Variants in TERB2 observed in about 807,000 individuals in gnomAD.
TERB2 encodes the protein telomere repeats-binding bouquet formation protein 2.
Under a neutral mutation model 29.8 loss-of-function variants are expected in TERB2, and 26 were observed. That is an observed-to-expected ratio of 0.87 (90% confidence interval 0.64 to 1.21). The LOEUF is 1.21. TERB2 is among the 50% of genes most tolerant of loss of function. TERB2 has a pLI of 0.00. For synonymous variants in TERB2, 80 were observed against 90.8 expected (o/e 0.88, Z 0.68); for missense variants, 240 against 268.6 (o/e 0.89, Z 0.74).
chr15:44,959,965 C>G (rs1380784148), intron 3 of TERB2, among the ~76,000 whole-genome samples: 3 of 152,174 alleles, frequency 2.0e-5, no homozygotes, highest in Non-Finnish European at 4.4e-5. Context: ...GTCAAACCTA[C>G]TTATAAGTAA....
intron 4 of TERB2, among the ~76,000 whole-genome samples, chr15:44,962,422 C>T (rs1891820378): frequency 3.3e-5 from 5 of 151,726 alleles, no homozygotes; most frequent in Non-Finnish European, 1.5e-5. Flanking sequence ...ATCTCCTGAC[C>T]TCGTGATCCG....
chr15:44,961,120 AGATATTGAT>A (rs1891795422), intron 3 of TERB2, among the ~76,000 whole-genome samples: 1 of 150,586 alleles, frequency 6.6e-6, no homozygotes, highest in Admixed American at 6.7e-5. Flanking sequence ...ATACAGATAT[AGATATTGAT>A]GTATATTTAA....
At chr15:44,960,424 A>G (rs1169008255) in intron 3 of TERB2, among the ~76,000 whole-genome samples, 1 of 152,158 alleles carries the variant, frequency 6.6e-6, no homozygotes, top group African/African-American at 2.4e-5. Flanking sequence ...GGATCCCTTG[A>G]ACCCAGGAAT....
At chr15:44,962,488 C>CA (rs1226244870) in intron 4 of TERB2, among the ~76,000 whole-genome samples, 5 of 152,036 alleles carry the variant, frequency 3.3e-5, no homozygotes, top group African/African-American at 1.2e-4. Context: ...CGCGCCCTGC[C>CA]ATTTACCAGT....
chr15:44,973,538 G>C (rs1308390523), intron 5 of TERB2: 1 of 152,138 alleles, frequency 6.6e-6, no homozygotes, highest in Non-Finnish European at 1.5e-5. Context: ...TGATCAAAGA[G>C]CAATTAAATT....
intron 5 of TERB2, among the ~76,000 whole-genome samples, chr15:44,972,205 G>A (rs969166633): frequency 5.9e-5 from 9 of 151,834 alleles, no homozygotes; most frequent in South Asian, 2.1e-4. Flanking sequence ...TGGCCAGGCC[G>A]GTTGTGAACT....
intron 5 of TERB2, 132 bp downstream of exon 5, chr15:44,966,375 A>C (rs1038186613): frequency 2.3e-5 from 10 of 436,972 alleles, no homozygotes; most frequent in African/African-American, 6.2e-5. Flanking sequence ...CCATTATACA[A>C]AAAAAAGAGA....
At position 44,958,460 on chromosome 15, in the gene TERB2, A is replaced by G; in HGVS notation, c.234A>G (p.Lys78=). Residue 78 remains lysine, a synonymous_variant, in exon 3 of 7, where the codon AAA becomes AAG. Transcript: ENST00000340827. The stretch of plus-strand genomic sequence containing the variant: ...CTGCGGTAGCTAATGCCAAAATAAA[A>G]AACTCGGTGGCTTTGGGTCATTTCA... ...YLSAVANAKI[K]NSVALGHFIL... is the part of the protein sequence containing the mutation. The G allele has an allele frequency of 6.2e-7, 1 of 1,614,158 alleles. No homozygotes were observed. Among genetic ancestry groups the G allele is most frequent in the Non-Finnish European group, 8.5e-7 (1 of 1,180,022 alleles).
intron 6 of TERB2, among the ~76,000 whole-genome samples, chr15:44,974,317 T>G (rs142585414): frequency 6.6e-6 from 1 of 152,306 alleles, no homozygotes; most frequent in East Asian, 1.9e-4. Flanking sequence ...GAGAATCTGA[T>G]GAAACATAGG....
intron 5 of TERB2, 144 bp downstream of exon 5, chr15:44,966,387 CTA>C (rs899165935): frequency 2.3e-6 from 1 of 438,032 alleles, no homozygotes; most frequent in African/African-American, 2.1e-5. Flanking sequence ...AAAAAGAGAT[CTA>C]TGATTAGAAA....
At chr15:44,974,689 A>G (rs1892018240) in intron 6 of TERB2, among the ~76,000 whole-genome samples, 1 of 152,340 alleles carries the variant, frequency 6.6e-6, no homozygotes, top group Non-Finnish European at 1.5e-5. Context: ...AGTCACTGAT[A>G]ACAATTTTAA....
At chr15:44,976,116 G>A (rs1811749) in intron 6 of TERB2, 24,949 of 152,044 alleles carry the variant, frequency 0.16, 2,513 homozygotes, top group East Asian at 0.32. Flanking sequence ...GGCTGGTCTC[G>A]AACTCCTGGG....
intron 3 of TERB2, 84 bp from the exon 4 acceptor site, chr15:44,961,439 A>T: frequency 1.1e-6 from 1 of 938,452 alleles, no homozygotes; most frequent in Non-Finnish European, 1.7e-6. Flanking sequence ...ACACTGGCCT[A>T]GAAATTTCAG....
intron 4 of TERB2, among the ~76,000 whole-genome samples, chr15:44,965,521 ATAAT>A (rs1891873984): frequency 6.9e-6 from 1 of 144,240 alleles, no homozygotes; most frequent in East Asian, 2.0e-4. Context: ...ATAGATATAT[ATAAT>A]TATATATTAT....
intron 4 of TERB2, among the ~76,000 whole-genome samples, chr15:44,964,382 G>A (rs403420): frequency 6.6e-5 from 10 of 151,754 alleles, no homozygotes; most frequent in East Asian, 3.9e-4. Context: ...GTTGTACTAA[G>A]GACTGAAATA....
At chr15:44,974,218 A>T (rs1892011194) in intron 6 of TERB2, among the ~76,000 whole-genome samples, 1 of 152,198 alleles carries the variant, frequency 6.6e-6, no homozygotes, top group Admixed American at 6.5e-5. Context: ...GTCCCAGTTT[A>T]AGCTGTTGTT....
At chr15:44,960,726 T>C (rs963430241) in intron 3 of TERB2, among the ~76,000 whole-genome samples, 1 of 152,146 alleles carries the variant, frequency 6.6e-6, no homozygotes, top group African/African-American at 2.4e-5. Context: ...CAGTGCTCAG[T>C]ACCTACATGT....
intron 5 of TERB2, chr15:44,970,757 G>C (rs1454080052): frequency 6.2e-6 from 1 of 162,228 alleles, no homozygotes; most frequent in Admixed American, 6.4e-5. Context: ...CACCAGCTGA[G>C]TTTCCACCTC....
At chr15:44,962,301 C>T (rs1891818122) in intron 4 of TERB2, among the ~76,000 whole-genome samples, 1 of 151,522 alleles carries the variant, frequency 6.6e-6, no homozygotes, top group South Asian at 2.1e-4. Flanking sequence ...CCTGCCTCAG[C>T]CTCCAGAGTA....
Sources: gnomAD v4.1 joint callset for allele counts (sites outside exome capture counted in the v4.1 genomes callset) on GRCh38, gnomAD v4.1.1 for gene constraint, MANE v1.5 for transcripts, NCBI Gene and HGNC (gene_info 2026-07-23, HGNC 2026-07-21) for gene names.